Variants in DDAH1 observed in about 807,000 individuals in gnomAD.
The protein encoded by DDAH1 is N(G),N(G)-dimethylarginine dimethylaminohydrolase 1.
Under a neutral mutation model 28.8 loss-of-function variants are expected in DDAH1, and 19 were observed. That is an observed-to-expected ratio of 0.66 (90% CI 0.46 to 0.97). The LOEUF (loss-of-function observed/expected upper bound fraction) is 0.97, where lower values mean the gene tolerates loss of function less well. Among genes scored for constraint, DDAH1 ranks in the 50% least tolerant of loss-of-function variants. The probability of loss-of-function intolerance (pLI) is 0.00; values close to 1 mark genes in which losing one functional copy is unlikely to be tolerated. For missense variants in DDAH1, 326 were observed against 375.9 expected (o/e 0.87, Z 1.10); for synonymous variants, 153 against 154.4 (o/e 0.99, Z 0.07).
chr1:85,514,387 G>A (rs1657369108), intron 1 of DDAH1, among the ~76,000 whole-genome samples: 1 of 152,082 alleles, frequency 6.6e-6, no homozygotes, highest in South Asian at 2.1e-4. Context: ...CCTGTCAGGG[G>A]CTTGGGAGCT....
chr1:85,524,234 C>A (rs1284387761), intron 1 of DDAH1, among the ~76,000 whole-genome samples: 3 of 149,256 alleles, frequency 2.0e-5, no homozygotes, highest in Non-Finnish European at 3.0e-5. Context: ...TAATAATGAA[C>A]ACTTCTTTAC....
intron 1 of DDAH1, among the ~76,000 whole-genome samples, chr1:85,384,854 T>A (rs1238610262): frequency 6.6e-6 from 1 of 152,226 alleles, no homozygotes; most frequent in African/African-American, 2.4e-5. Context: ...TTGGTGACAT[T>A]GGCATGAAAG....
intron 1 of DDAH1, among the ~76,000 whole-genome samples, chr1:85,534,442 GTA>G (rs3058894): frequency 3.9e-4 from 59 of 151,912 alleles, no homozygotes; most frequent in African/African-American, 9.9e-4. Context: ...TGAAAAAAAA[GTA>G]TATATATATA....
chr1:85,396,098 G>A (rs192623223), intron 1 of DDAH1, among the ~76,000 whole-genome samples: 1 of 152,100 alleles, frequency 6.6e-6, no homozygotes. Context: ...TATCATTGTG[G>A]CTAAATGAGT....
chr1:85,332,625 C>A (rs1408835649), intron 4 of DDAH1, among the ~76,000 whole-genome samples: 1 of 151,962 alleles, frequency 6.6e-6, no homozygotes, highest in African/African-American at 2.4e-5. Flanking sequence ...TCCATCAGTG[C>A]CCAAGCACAT....
At chr1:85,542,410 C>T (rs1658496108) in intron 1 of DDAH1, among the ~76,000 whole-genome samples, 1 of 152,226 alleles carries the variant, frequency 6.6e-6, no homozygotes, top group Non-Finnish European at 1.5e-5. Flanking sequence ...AATCAGTATT[C>T]TCTAGCCCCT....
chr1:85,400,942 C>T (rs893760389), intron 1 of DDAH1, among the ~76,000 whole-genome samples: 6 of 152,120 alleles, frequency 3.9e-5, no homozygotes, highest in African/African-American at 9.7e-5. Context: ...TTCTGCAGTA[C>T]AATGGTACAT....
intron 1 of DDAH1, among the ~76,000 whole-genome samples, chr1:85,570,886 AAG>A (rs1553149677): frequency 2.6e-5 from 4 of 152,176 alleles, no homozygotes; most frequent in East Asian, 3.9e-4. Flanking sequence ...CAAAAAAAAA[AAG>A]AGAGAAAAAT....
intron 1 of DDAH1, among the ~76,000 whole-genome samples, chr1:85,441,842 A>G (rs1443557118): frequency 6.6e-6 from 1 of 152,192 alleles, no homozygotes; most frequent in Non-Finnish European, 1.5e-5. Context: ...TCACATCTAA[A>G]GAAGATTAGT....
At chr1:85,510,288 C>G (rs1254603042) in intron 1 of DDAH1, among the ~76,000 whole-genome samples, 1 of 152,190 alleles carries the variant, frequency 6.6e-6, no homozygotes, top group Non-Finnish European at 1.5e-5. Context: ...CCTTTACAGA[C>G]AAGCAAATGC....
intron 4 of DDAH1, among the ~76,000 whole-genome samples, chr1:85,336,007 T>G (rs1648093183): frequency 8.7e-6 from 1 of 114,962 alleles, no homozygotes; most frequent in Admixed American, 8.8e-5. Flanking sequence ...TAAAATAAAA[T>G]AAAATAAAAA....
chr1:85,540,056 AAT>A (rs1406477586), intron 1 of DDAH1, among the ~76,000 whole-genome samples: 1 of 152,144 alleles, frequency 6.6e-6, no homozygotes, highest in Non-Finnish European at 1.5e-5. Context: ...TTGATTCAAT[AAT>A]CTCTTTTTAA....
intron 1 of DDAH1, among the ~76,000 whole-genome samples, chr1:85,546,595 C>T (rs1027989195): frequency 6.6e-6 from 1 of 152,108 alleles, no homozygotes; most frequent in Non-Finnish European, 1.5e-5. Flanking sequence ...TACAGAAGAG[C>T]TCTAAATCCT....
At chr1:85,491,966 T>C (rs76322559) in intron 2 of DDAH1, among the ~76,000 whole-genome samples, 6,319 of 152,300 alleles carry the variant, frequency 0.041, 204 homozygotes, top group African/African-American at 0.089. Context: ...TAGCAGCTAC[T>C]TATTTAGTAT....
At chr1:85,549,756 T>A (rs12068343) in intron 1 of DDAH1, among the ~76,000 whole-genome samples, 9,027 of 152,310 alleles carry the variant, frequency 0.059, 869 homozygotes, top group African/African-American at 0.21. Flanking sequence ...ATATTCAGCA[T>A]TAATTTATAT....
chr1:85,536,189 A>T (rs1658270037), intron 1 of DDAH1, among the ~76,000 whole-genome samples: 1 of 151,536 alleles, frequency 6.6e-6, no homozygotes, highest in East Asian at 1.9e-4. Flanking sequence ...GTGAACGGAG[A>T]TTGCATCACT....
At chr1:85,488,986 G>A (rs375411728) in intron 2 of DDAH1, among the ~76,000 whole-genome samples, 3 of 152,224 alleles carry the variant, frequency 2.0e-5, no homozygotes, top group African/African-American at 4.8e-5. Flanking sequence ...ATAGACATAC[G>A]CTATGAAATG....
chr1:85,400,182 T>C (rs1052289601), intron 1 of DDAH1, among the ~76,000 whole-genome samples: 2 of 25,864 alleles, frequency 7.7e-5, no homozygotes, highest in Non-Finnish European at 9.0e-5. Context: ...CTTTTCTTTT[T>C]TTTTTTTTTT....
intron 1 of DDAH1, among the ~76,000 whole-genome samples, chr1:85,499,940 T>C (rs1378987021): frequency 2.6e-5 from 4 of 152,214 alleles, no homozygotes; most frequent in African/African-American, 9.6e-5. Context: ...CCTGGTATCA[T>C]TTCTTTTAGC....
Sources: allele counts gnomAD v4.1 joint callset (sites outside exome capture counted in the v4.1 genomes callset), GRCh38; gene constraint gnomAD v4.1.1; transcripts MANE v1.5; gene names NCBI Gene and HGNC (gene_info 2026-07-23, HGNC 2026-07-21).